Variants in STXBP5L observed in about 807,000 individuals in gnomAD.
The protein encoded by STXBP5L is syntaxin binding protein 5L, also known as syntaxin-binding protein 5-like.
A neutral mutation model predicts 144.5 loss-of-function variants in STXBP5L; 65 were observed. The ratio of observed to expected loss-of-function variants is 0.45; its 90% CI spans 0.37 to 0.55. The LOEUF is 0.55. Among genes scored for constraint, STXBP5L ranks in the 20% least tolerant of loss-of-function variants. STXBP5L has a pLI of 0.00. For synonymous variants in STXBP5L, 505 were observed against 469.6 expected (o/e 1.08, Z -0.97); for missense variants, 1,298 against 1,405.5 (o/e 0.92, Z 1.22).
At chr3:121,020,176 C>A (rs1003438372) in intron 3 of STXBP5L, among the ~76,000 whole-genome samples, 1 of 152,060 alleles carries the variant, frequency 6.6e-6, no homozygotes, top group African/African-American at 2.4e-5. Flanking sequence ...GAAGAAAGAA[C>A]TTCAGAACTT....
chr3:121,014,613 G>A (rs1945013390), intron 3 of STXBP5L, among the ~76,000 whole-genome samples: 1 of 151,318 alleles, frequency 6.6e-6, no homozygotes, highest in South Asian at 2.1e-4. Flanking sequence ...CAAACATTAG[G>A]TGTCTTATGG....
In STXBP5L at chr3:121,205,953, A is replaced by G; in HGVS notation, c.908A>G (p.Glu303Gly). Residue 303 changes from glutamate (E) to glycine (G), a missense_variant, in exon 10 of 27, where the codon GAA (glutamate) becomes GGA (glycine). Coordinates refer to ENST00000471454, the MANE Select transcript of STXBP5L (RefSeq NM_001308330.2). ...AGTCAAAGAGAAGGAAGAAAATCTG[A>G]ATCTTGTAAACCAATTCTTAAAGTA... is the stretch of plus-strand genomic sequence containing the variant. ...GKSQREGRKSESCKPILKVEY... is the reference protein window; with the variant it reads ...GKSQREGRKSGSCKPILKVEY... The G allele has an allele frequency of 6.6e-7, 1 of 1,519,028 alleles. No individual in the cohort carries two copies. Among genetic ancestry groups the G allele is most frequent in the Non-Finnish European group, 8.8e-7 (1 of 1,138,928 alleles). 94.1% of individuals were successfully genotyped at this position (1,519,028 alleles called of 1,614,324 possible). A position where few individuals can be genotyped will look rare whatever the true frequency, so the allele number is the denominator to read the frequency against.
At chr3:121,086,564 G>C (rs1027371765) in intron 5 of STXBP5L, among the ~76,000 whole-genome samples, 5 of 152,056 alleles carry the variant, frequency 3.3e-5, no homozygotes, top group Admixed American at 1.3e-4. Context: ...GGAGCAATAG[G>C]CTATACAAGT....
chr3:121,017,613 G>A (rs1945233340), intron 3 of STXBP5L, among the ~76,000 whole-genome samples: 1 of 152,212 alleles, frequency 6.6e-6, no homozygotes, highest in Non-Finnish European at 1.5e-5. Flanking sequence ...GTTAATATAT[G>A]TAAGTCAGTT....
chr3:121,093,995 G>A (rs2107747848), intron 5 of STXBP5L, among the ~76,000 whole-genome samples: 1 of 152,244 alleles, frequency 6.6e-6, no homozygotes, highest in Admixed American at 6.5e-5. Context: ...TGGTTTCAAA[G>A]AACATCTTTA....
intron 20 of STXBP5L, among the ~76,000 whole-genome samples, chr3:121,373,880 T>C (rs2046104646): frequency 6.6e-6 from 1 of 152,136 alleles, no homozygotes. Context: ...CCACCTGCTA[T>C]TGACACTGCC....
chr3:121,248,684 A>G (rs377395003), intron 14 of STXBP5L, among the ~76,000 whole-genome samples: 1 of 152,158 alleles, frequency 6.6e-6, no homozygotes, highest in African/African-American at 2.4e-5. Context: ...TTTTGTCACA[A>G]TCATTTTTGG....
At chr3:121,101,812 A>C (rs1207469336) in intron 5 of STXBP5L, among the ~76,000 whole-genome samples, 1 of 152,130 alleles carries the variant, frequency 6.6e-6, no homozygotes, top group Non-Finnish European at 1.5e-5. Context: ...TGCTGATGAT[A>C]TAATTCTATA....
At chr3:121,105,231 A>G (rs1346747441) in intron 5 of STXBP5L, among the ~76,000 whole-genome samples, 1 of 152,000 alleles carries the variant, frequency 6.6e-6, no homozygotes, top group Non-Finnish European at 1.5e-5. Context: ...GCCCATCTCT[A>G]CTAAAAATAC....
intron 3 of STXBP5L, among the ~76,000 whole-genome samples, chr3:121,018,019 C>T (rs540774599): frequency 6.6e-6 from 1 of 152,306 alleles, no homozygotes; most frequent in South Asian, 2.1e-4. Context: ...TTCAAGGTTG[C>T]AGTGAGCCAC....
chr3:121,054,391 C>G (rs55989794), intron 5 of STXBP5L, among the ~76,000 whole-genome samples: 56,912 of 151,810 alleles, frequency 0.37, 10,869 homozygotes, highest in Non-Finnish European at 0.4. Context: ...CACATATACA[C>G]CATGGAATAC....
chr3:121,085,234 G>A (rs1231600687), intron 5 of STXBP5L, among the ~76,000 whole-genome samples: 1 of 152,096 alleles, frequency 6.6e-6, no homozygotes, highest in Non-Finnish European at 1.5e-5. Flanking sequence ...CATCCCGTTT[G>A]CCAATTTTTG....
intron 5 of STXBP5L, among the ~76,000 whole-genome samples, chr3:121,050,828 T>C (rs1168992311): frequency 6.6e-6 from 1 of 152,090 alleles, no homozygotes; most frequent in Admixed American, 6.5e-5. Flanking sequence ...GTGTGCTGTA[T>C]TCAGGAAACC....
intron 2 of STXBP5L, among the ~76,000 whole-genome samples, chr3:120,913,935 A>G (rs1708979141): frequency 6.6e-6 from 1 of 152,036 alleles, no homozygotes. Context: ...ACTAGATATT[A>G]TTTTGAACAG....
intron 20 of STXBP5L, among the ~76,000 whole-genome samples, chr3:121,348,068 C>A (rs2045083305): frequency 6.6e-6 from 1 of 152,094 alleles, no homozygotes; most frequent in African/African-American, 2.4e-5. Flanking sequence ...AGTTTTTGCC[C>A]ATTCAGTATG....
At chr3:121,129,818 C>T (rs2044888359) in intron 7 of STXBP5L, among the ~76,000 whole-genome samples, 1 of 151,868 alleles carries the variant, frequency 6.6e-6, no homozygotes, top group Non-Finnish European at 1.5e-5. Context: ...ACCTTTATAA[C>T]TCATAAGATT....
intron 9 of STXBP5L, among the ~76,000 whole-genome samples, chr3:121,200,833 C>G (rs765421583): frequency 6.6e-6 from 1 of 152,196 alleles, no homozygotes. Context: ...TTTGATTGCA[C>G]TGTGGTCTGA....
chr3:121,348,130 C>T (rs1395453405), intron 20 of STXBP5L, among the ~76,000 whole-genome samples: 1 of 152,004 alleles, frequency 6.6e-6, no homozygotes, highest in African/African-American at 2.4e-5. Context: ...GAGATATGTC[C>T]CATCAGTACC....
At position 121,367,131 on chromosome 3, in the gene STXBP5L, A is replaced by G. The variant is rs188857828; in HGVS notation, c.2177-11585A>G. Among the ~76,000 whole-genome samples, 7 of 152,306 alleles carry G rather than the reference A, an allele frequency of 4.6e-5. No individual in the cohort carries two copies. In the East Asian group the frequency reaches 1.3e-3, roughly 29 times the overall value. ...ACTAATAATTCCTTTAAATATATTT[A>G]TCTCTTAAATTATGTAGAACCCAAA... On this transcript the variant is annotated intron_variant, in intron 20 of 26. Coordinates refer to ENST00000471454, the MANE Select transcript of STXBP5L (RefSeq NM_001308330.2).
Sources: allele counts gnomAD v4.1 joint callset (sites outside exome capture counted in the v4.1 genomes callset), GRCh38; gene constraint gnomAD v4.1.1; transcripts MANE v1.5; gene names NCBI Gene and HGNC (gene_info 2026-07-23, HGNC 2026-07-21).